Variants in POC1A observed in about 807,000 individuals in gnomAD.
POC1A encodes POC1 centriolar protein homolog A.
Under a neutral mutation model 47.8 loss-of-function variants are expected in POC1A, and 34 were observed. That is an observed-to-expected ratio of 0.71 (90% CI 0.54 to 0.95). The LOEUF is 0.95. Among genes scored for constraint, POC1A ranks in the 40% least tolerant of loss-of-function variants. The pLI, the probability that POC1A is intolerant of heterozygous loss-of-function variation, is 0.00. For synonymous variants in POC1A, 177 were observed against 207.6 expected, an observed-to-expected ratio of 0.85 and a Z score of 1.27; for missense variants, 466 against 528.3, an observed-to-expected ratio of 0.88 and a Z score of 1.16.
intron 9 of POC1A, among the ~76,000 whole-genome samples, chr3:52,098,584 G>T (rs1702895967): frequency 6.6e-6 from 1 of 152,206 alleles, no homozygotes; most frequent in Admixed American, 6.5e-5. Context: ...CAGCCACCAT[G>T]TTTTCCCACC....
At chr3:52,102,393 C>A (rs1703033235) in intron 9 of POC1A, among the ~76,000 whole-genome samples, 1 of 152,222 alleles carries the variant, frequency 6.6e-6, no homozygotes, top group South Asian at 2.1e-4. Flanking sequence ...CCTCTTTCAG[C>A]TTCTGGTGGC....
chr3:52,136,938 G>GT (rs1014126145), intron 7 of POC1A, among the ~76,000 whole-genome samples: 6 of 152,080 alleles, frequency 3.9e-5, no homozygotes, highest in South Asian at 2.1e-4. Flanking sequence ...GTTTTGTTTT[G>GT]TTTTTTTTAG....
chr3:52,105,458 T>C (rs964991955), intron 9 of POC1A, among the ~76,000 whole-genome samples: 4 of 152,326 alleles, frequency 2.6e-5, no homozygotes, highest in Admixed American at 6.5e-5. Context: ...TCTACCTCCA[T>C]GTTTGCTAAA....
At chr3:52,133,238 C>G (rs1003176700) in intron 7 of POC1A, among the ~76,000 whole-genome samples, 1 of 152,072 alleles carries the variant, frequency 6.6e-6, no homozygotes, top group Non-Finnish European at 1.5e-5. Flanking sequence ...AGTGTTACTC[C>G]CCTCAGAGGA....
chr3:52,146,517 G>C (rs1698368964), intron 5 of POC1A, among the ~76,000 whole-genome samples: 1 of 152,224 alleles, frequency 6.6e-6, no homozygotes. Context: ...CTCAAATGTA[G>C]GCACCTCTCT....
intron 9 of POC1A, among the ~76,000 whole-genome samples, chr3:52,099,056 T>A (rs185834083): frequency 6.6e-6 from 1 of 152,268 alleles, no homozygotes; most frequent in East Asian, 1.9e-4. Flanking sequence ...ATGTGCACAG[T>A]TCCTCTCCAA....
intron 10 of POC1A, among the ~76,000 whole-genome samples, chr3:52,087,320 T>C (rs1702492045): frequency 1.3e-5 from 2 of 152,156 alleles, no homozygotes; most frequent in African/African-American, 2.4e-5. Context: ...CATGCTAACA[T>C]GCCCAGGATC....
rs755723591 is a variant in POC1A, at chr3:52,096,766, T to C, written c.982-54A>G. ...GTCTATCCAGTGCTTGAAGAAATAC[T>C]GTGAGAGGAATAGCCCCTCCAAAGG... On this transcript the variant is annotated intron_variant, in intron 9 of 10. Transcript: ENST00000296484. The C allele has an allele frequency of 8.3e-6, 12 of 1,452,430 alleles. No homozygotes were observed. In the Admixed American group the frequency reaches 9.3e-5, roughly 11 times the overall value. The allele number at this position is 1,452,430 out of a possible 1,614,324, so 90.0% of individuals were successfully genotyped here. A position where few individuals can be genotyped will look rare whatever the true frequency, so the allele number is the denominator to read the frequency against.
At chr3:52,089,103 C>T (rs1702559890) in intron 10 of POC1A, among the ~76,000 whole-genome samples, 1 of 151,860 alleles carries the variant, frequency 6.6e-6, no homozygotes, top group African/African-American at 2.4e-5. Context: ...ATGGGAGCTG[C>T]CACCCAGTCC....
At chr3:52,122,840 T>C (rs1239492856) in intron 8 of POC1A, among the ~76,000 whole-genome samples, 1 of 152,260 alleles carries the variant, frequency 6.6e-6, no homozygotes, top group African/African-American at 2.4e-5. Context: ...AGGCCTTCTG[T>C]GAATGTTTAT....
chr3:52,121,256 A>AG (rs1703769458), intron 9 of POC1A, among the ~76,000 whole-genome samples: 2 of 152,330 alleles, frequency 1.3e-5, no homozygotes, highest in South Asian at 4.1e-4. Context: ...GCTGAGTCCC[A>AG]GGGGGCCTCA....
chr3:52,086,188 T>C (rs1183967519), intron 10 of POC1A, among the ~76,000 whole-genome samples: 1 of 152,136 alleles, frequency 6.6e-6, no homozygotes, highest in African/African-American at 2.4e-5. Flanking sequence ...CCAGAGGTGG[T>C]GTGGTCCCCA....
chr3:52,081,718 T>TG lies in POC1A; in HGVS notation c.1126-5734dup, dbSNP rs764656584. Among the ~76,000 whole-genome samples, 7 of 151,960 alleles carry TG rather than the reference T, an allele frequency of 4.6e-5. No individual in the cohort carries two copies. In the South Asian group the frequency reaches 8.3e-4, roughly 18 times the overall value. On this transcript the variant is annotated intron_variant, in intron 10 of 10. Transcript: ENST00000296484. ...CTTCACCCTCAGAGCAGGAGGGTGC[T>TG]GGGGGGTGCTAGGCTGAGGGGATTT...
At chr3:52,140,772 G>A (rs1698165215) in intron 6 of POC1A, among the ~76,000 whole-genome samples, 1 of 152,194 alleles carries the variant, frequency 6.6e-6, no homozygotes, top group African/African-American at 2.4e-5. Context: ...GGCCGCACCA[G>A]CCTCCACTCT....
chr3:52,125,210 A>C, intron 7 of POC1A, 29 bp from the exon 8 acceptor site: 1 of 1,536,556 alleles, frequency 6.5e-7, no homozygotes, highest in Non-Finnish European at 9.0e-7. Flanking sequence ...AATAACACAC[A>C]TCAAAGGTCA....
intron 6 of POC1A, among the ~76,000 whole-genome samples, chr3:52,144,288 C>G (rs1698295128): frequency 6.6e-6 from 1 of 152,216 alleles, no homozygotes. Flanking sequence ...TCAGGCCTGG[C>G]CCAGAGCAGA....
At chr3:52,100,645 C>T (rs1461329879) in intron 9 of POC1A, among the ~76,000 whole-genome samples, 1 of 152,140 alleles carries the variant, frequency 6.6e-6, no homozygotes, top group Non-Finnish European at 1.5e-5. Flanking sequence ...CTGCTGGAGA[C>T]CAAGCGCAGA....
At chr3:52,126,230 T>A (rs1703995557) in intron 7 of POC1A, among the ~76,000 whole-genome samples, 1 of 152,180 alleles carries the variant, frequency 6.6e-6, no homozygotes, top group African/African-American at 2.4e-5. Flanking sequence ...TACAGCTGAC[T>A]CATCAATGAG....
At chr3:52,144,258 CCCA>C (rs1211605935) in intron 6 of POC1A, among the ~76,000 whole-genome samples, 3 of 152,214 alleles carry the variant, frequency 2.0e-5, no homozygotes, top group Non-Finnish European at 4.4e-5. Flanking sequence ...GTGCCCCATC[CCCA>C]AGCCCCAGCC....
Sources: allele counts gnomAD v4.1 joint callset (sites outside exome capture counted in the v4.1 genomes callset), GRCh38; gene constraint gnomAD v4.1.1; transcripts MANE v1.5; gene names NCBI Gene and HGNC (gene_info 2026-07-23, HGNC 2026-07-21).